ZNF804A: variants seen among roughly 807,000 people sequenced by gnomAD.
The protein encoded by ZNF804A is zinc finger protein 804A.
A neutral mutation model predicts 16.5 loss-of-function variants in ZNF804A; 2 were observed. The ratio of observed to expected loss-of-function variants is 0.12; its 90% CI spans 0.05 to 0.38. ZNF804A has a LOEUF of 0.38. Ranked by LOEUF, ZNF804A falls within the 10% of genes least tolerant of loss-of-function variation. The probability of loss-of-function intolerance (pLI) is 0.99; values close to 1 mark genes in which losing one functional copy is unlikely to be tolerated. For synonymous variants in ZNF804A, 534 were observed against 489.6 expected (o/e 1.09, Z -1.20); for missense variants, 1,473 against 1,390.7 (o/e 1.06, Z -0.94).
intron 1 of ZNF804A, among the ~76,000 whole-genome samples, chr2:184,669,021 A>G (rs935524093): frequency 1.3e-5 from 2 of 152,000 alleles, no homozygotes; most frequent in Non-Finnish European, 2.9e-5. Context: ...TCAAATATAT[A>G]GTACTCACTT....
At chr2:184,856,841 C>T (rs1695696086) in intron 1 of ZNF804A, among the ~76,000 whole-genome samples, 1 of 152,054 alleles carries the variant, frequency 6.6e-6, no homozygotes, top group Non-Finnish European at 1.5e-5. Context: ...GCACATATTC[C>T]AAAATCTGAA....
chr2:184,703,463 G>A (rs1391559742), intron 1 of ZNF804A, among the ~76,000 whole-genome samples: 1 of 151,884 alleles, frequency 6.6e-6, no homozygotes, highest in Non-Finnish European at 1.5e-5. Context: ...AGCACTTTGG[G>A]AGGCCGAGGC....
At chr2:184,855,373 T>G (rs1411114458) in intron 1 of ZNF804A, among the ~76,000 whole-genome samples, 2 of 152,050 alleles carry the variant, frequency 1.3e-5, no homozygotes, top group East Asian at 3.9e-4. Flanking sequence ...TTCAATGGCT[T>G]GCGCTTACTG....
intron 2 of ZNF804A, among the ~76,000 whole-genome samples, chr2:184,881,972 C>T (rs1038342213): frequency 3.9e-5 from 6 of 151,922 alleles, no homozygotes; most frequent in African/African-American, 1.2e-4. Context: ...AGGTTAAATG[C>T]CCCAATTAAA....
At position 184,730,964 on chromosome 2, in the gene ZNF804A, C is replaced by T. The variant is rs150143013; in HGVS notation, c.111+131894C>T. 9.1e-3 allele frequency among the ~76,000 whole-genome samples: 1,379 copies of T among 151,628 alleles called. 23 individuals are homozygous for T. The highest frequency in any genetic ancestry group is 0.032 in the African/African-American group (1,316 of 41,318). On this transcript the variant is annotated intron_variant, in intron 1 of 3. Coordinates refer to ENST00000302277, the MANE Select transcript of ZNF804A (RefSeq NM_194250.2). ...TTGCTAAGAAACTGCTAAACTGGGC[C>T]AGGCATGGTAGCTCACACCTGTAAT...
intron 1 of ZNF804A, among the ~76,000 whole-genome samples, chr2:184,670,033 TA>T (rs1264081839): frequency 1.3e-5 from 2 of 152,140 alleles, no homozygotes; most frequent in Non-Finnish European, 2.9e-5. Context: ...TTTTTAATGA[TA>T]GCTTAGCAGT....
intron 1 of ZNF804A, among the ~76,000 whole-genome samples, chr2:184,798,962 A>G (rs1694680213): frequency 6.6e-6 from 1 of 151,508 alleles, no homozygotes; most frequent in Non-Finnish European, 1.5e-5. Context: ...TCCTATGTAT[A>G]TGGCTTCTTG....
chr2:184,726,025 A>G (rs1217589557), intron 1 of ZNF804A, among the ~76,000 whole-genome samples: 1 of 151,712 alleles, frequency 6.6e-6, no homozygotes, highest in Non-Finnish European at 1.5e-5. Context: ...TTGCTTAAAC[A>G]TTCACCCACT....
At chr2:184,632,694 G>A (rs1691633205) in intron 1 of ZNF804A, among the ~76,000 whole-genome samples, 1 of 152,156 alleles carries the variant, frequency 6.6e-6, no homozygotes, top group Admixed American at 6.5e-5. Flanking sequence ...AGTTTTAATT[G>A]TCAGGCTCAT....
chr2:184,924,736 C>T (rs566437708), intron 2 of ZNF804A, among the ~76,000 whole-genome samples: 36 of 151,644 alleles, frequency 2.4e-4, no homozygotes, highest in Middle Eastern at 3.4e-3. Context: ...TTGTATGTTA[C>T]GTTTCCGTTA....
At chr2:184,866,582 A>G in intron 2 of ZNF804A, 70 bp downstream of exon 2, 4 of 1,272,758 alleles carry the variant, frequency 3.1e-6, no homozygotes, top group Non-Finnish European at 3.2e-6. Context: ...TGTAGACTCT[A>G]TGAATATGAT....
intron 1 of ZNF804A, among the ~76,000 whole-genome samples, chr2:184,706,482 A>T (rs1027803871): frequency 4.6e-5 from 7 of 152,148 alleles, no homozygotes; most frequent in African/African-American, 1.7e-4. Context: ...TCAGGGTGTG[A>T]TCATGTATAT....
intron 1 of ZNF804A, among the ~76,000 whole-genome samples, chr2:184,856,636 A>G (rs1203650119): frequency 1.3e-5 from 2 of 152,164 alleles, no homozygotes; most frequent in Non-Finnish European, 2.9e-5. Context: ...AAACAACCAC[A>G]GATCGTACAG....
At chr2:184,620,344 G>C (rs1032814052) in intron 1 of ZNF804A, among the ~76,000 whole-genome samples, 14 of 151,678 alleles carry the variant, frequency 9.2e-5, no homozygotes, top group African/African-American at 4.8e-5. Flanking sequence ...AAAATTGCTA[G>C]TTCTGCAAAT....
chr2:184,606,470 G>A (rs2105668289), intron 1 of ZNF804A, among the ~76,000 whole-genome samples: 1 of 152,268 alleles, frequency 6.6e-6, no homozygotes. Flanking sequence ...AACACCTGGG[G>A]ATTACAATTC....
At chr2:184,609,799 T>C (rs1343710249) in intron 1 of ZNF804A, among the ~76,000 whole-genome samples, 4 of 152,254 alleles carry the variant, frequency 2.6e-5, no homozygotes, top group Non-Finnish European at 4.4e-5. Flanking sequence ...GAGTTAGGAT[T>C]TCAGCATATG....
At chr2:184,641,959 C>T (rs539088653) in intron 1 of ZNF804A, among the ~76,000 whole-genome samples, 2 of 152,114 alleles carry the variant, frequency 1.3e-5, no homozygotes, top group Non-Finnish European at 2.9e-5. Context: ...TGTCACTCAT[C>T]TGATAGATTT....
At chr2:184,856,285 A>G (rs1174378298) in intron 1 of ZNF804A, among the ~76,000 whole-genome samples, 1 of 151,972 alleles carries the variant, frequency 6.6e-6, no homozygotes, top group Non-Finnish European at 1.5e-5. Flanking sequence ...ATCTTTCCAA[A>G]TTTCTTCTCA....
intron 2 of ZNF804A, among the ~76,000 whole-genome samples, chr2:184,929,489 G>A (rs4666999): frequency 0.69 from 104,958 of 151,624 alleles, 36,529 homozygotes; most frequent in East Asian, 0.85. Flanking sequence ...TTATATATAT[G>A]TGTGTGTGTG....
Sources: gnomAD v4.1 joint callset for allele counts (sites outside exome capture counted in the v4.1 genomes callset) on GRCh38, gnomAD v4.1.1 for gene constraint, MANE v1.5 for transcripts, NCBI Gene and HGNC (gene_info 2026-07-23, HGNC 2026-07-21) for gene names.